The following ZMAT5 variants were observed in gnomAD, a reference collection of about 807,000 sequenced individuals.
The protein encoded by ZMAT5 is zinc finger matrin-type protein 5.
Under a neutral mutation model 28.0 loss-of-function variants are expected in ZMAT5, and 23 were observed. The observed-to-expected ratio is 0.82, with a 90% CI of 0.59 to 1.16. The LOEUF (loss-of-function observed/expected upper bound fraction) is 1.16, where lower values mean the gene tolerates loss of function less well. Ranked by LOEUF, ZMAT5 falls within the 50% of genes most tolerant of loss-of-function variation. The pLI is 0.00. For missense variants in ZMAT5, 173 were observed against 212.7 expected (o/e 0.81, Z 1.16); for synonymous variants, 76 against 84.1 (o/e 0.90, Z 0.52).
At chr22:29,762,769 T>C (rs1361783516) in intron 1 of ZMAT5, among the ~76,000 whole-genome samples, 2 of 152,208 alleles carry the variant, frequency 1.3e-5, no homozygotes, top group Admixed American at 6.5e-5. Context: ...ACTTGAATCA[T>C]CCTGAAACCA....
chr22:29,732,264 T>C (rs1034785789), intron 5 of ZMAT5, among the ~76,000 whole-genome samples: 1 of 152,252 alleles, frequency 6.6e-6, no homozygotes, highest in African/African-American at 2.4e-5. Flanking sequence ...CAGCTGCCTA[T>C]ACAAGACCTT....
At position 29,748,442 on chromosome 22, in the gene ZMAT5, T is replaced by C. The variant is rs764411495; in HGVS notation, c.103A>G (p.Lys35Glu). 1.9e-6 allele frequency: 3 copies of C among 1,614,202 alleles called. No homozygotes were observed. In the East Asian group the frequency reaches 6.7e-5, roughly 36 times the overall value. The change falls in exon 2 of 6, where the codon AAG becomes GAG. Residue 35 changes from lysine (K) to glutamate (E), a missense_variant. Coordinates refer to ENST00000344318, the MANE Select transcript of ZMAT5 (RefSeq NM_001003692.2). ...CCTCGGAACATGTCGTACCAGACCT[T>C]CTTGGCCTTGAGGTGCTGCAGCCCG... ...LNGLQHLKAK[K>E]VWYDMFRDAA...
In ZMAT5 at chr22:29,740,632, G is replaced by A. The variant is rs1345049506; in HGVS notation, c.271+18C>T. 6.3e-7 allele frequency: 1 copy of A among 1,585,314 alleles called. No individual in the cohort carries two copies. Among genetic ancestry groups the A allele is most frequent in the Non-Finnish European group, 8.6e-7 (1 of 1,165,542 alleles). ...CAGCACCCCACTCCCGCTTAGCCCA[G>A]GGCATCCCGAGACGTACCCTCCACC... is the stretch of plus-strand genomic sequence containing the variant. On this transcript the variant is annotated intron_variant, in intron 4 of 5. Transcript: ENST00000344318.
intron 5 of ZMAT5, among the ~76,000 whole-genome samples, chr22:29,736,653 G>A (rs1325407598): frequency 6.7e-6 from 1 of 148,936 alleles, no homozygotes; most frequent in African/African-American, 2.5e-5. Flanking sequence ...CCAGGAGGCG[G>A]AGGTTGCAGT....
In ZMAT5 at chr22:29,742,468, A is replaced by G; in HGVS notation, c.140T>C (p.Ile47Thr). 1.9e-6 allele frequency: 3 copies of G among 1,612,912 alleles called. No individual in the cohort carries two copies. The highest frequency in any genetic ancestry group is 2.5e-6 in the Non-Finnish European group (3 of 1,179,922). The change falls in exon 3 of 6, where the codon ATC becomes ACC. Residue 47 changes from isoleucine to threonine, a missense_variant. Physicochemically the swap from Ile to Thr is moderately conservative, Grantham distance 89. Coordinates refer to ENST00000344318, the MANE Select transcript of ZMAT5 (RefSeq NM_001003692.2). ...CCGCTTGTTCTGCTCATCCAGCAAG[A>G]TGGCAGCTGCATCTGCGAGAGAAGA... ...WYDMFRDAAA[I>T]LLDEQNKRPC... is the part of the protein sequence containing the mutation.
intron 1 of ZMAT5, among the ~76,000 whole-genome samples, chr22:29,757,216 CAAA>C (rs776485867): frequency 4.9e-5 from 2 of 40,836 alleles, no homozygotes; most frequent in African/African-American, 6.6e-5. Context: ...ACCCCAATCT[CAAA>C]AAAAAAAAAA....
At chr22:29,758,526 G>A (rs1048164733) in intron 1 of ZMAT5, among the ~76,000 whole-genome samples, 1 of 152,092 alleles carries the variant, frequency 6.6e-6, no homozygotes, top group African/African-American at 2.4e-5. Context: ...GGGGGGCTGA[G>A]GTGGGAGGAT....
chr22:29,738,375 C>T lies in ZMAT5; in HGVS notation c.338G>A (p.Trp113Ter), dbSNP rs2147218304. 1 of 1,609,906 alleles carries T rather than the reference C, an allele frequency of 6.2e-7. No homozygotes were observed. The highest frequency in any genetic ancestry group is 8.5e-7 in the Non-Finnish European group (1 of 1,179,630). ...CAGCCGCTTGGCTCTCTTCTCCAGC[C>T]AGTCCTCCAGATGGCCCTCGGGGAG... The part of the protein sequence containing the change: ...PELPEGHLED[W>*]LEKRAKRLSS... Residue 113 changes from tryptophan to a stop codon, truncating the protein, a stop_gained, in exon 5 of 6, where the codon TGG (tryptophan) becomes TAG (stop). Transcript: ENST00000344318. LOFTEE classifies it high-confidence loss of function.
chr22:29,743,518 C>A (rs2067982969), intron 2 of ZMAT5, among the ~76,000 whole-genome samples: 1 of 152,228 alleles, frequency 6.6e-6, no homozygotes, highest in Admixed American at 6.5e-5. Flanking sequence ...GCAGCCTCCA[C>A]CTTCTGCACT....
Position 29,744,615 on chromosome 22 carries a change from C to T in ZMAT5, c.128-2135G>A, listed in dbSNP as rs566847158. Among the ~76,000 whole-genome samples, 19 of 152,152 alleles carry T rather than the reference C, an allele frequency of 1.2e-4. 1 individual carries two copies. In the East Asian group the frequency reaches 2.5e-3, roughly 20 times the overall value. ...AGGCTGGGATGACTGAGGCAGGCGG[C>T]GGGACTGAGCCTGGGTCCTATACAA... On this transcript the variant is annotated intron_variant, in intron 2 of 5. Transcript: ENST00000344318.
chr22:29,755,368 GGA>G (rs11474564), intron 1 of ZMAT5, among the ~76,000 whole-genome samples: 18 of 59,296 alleles, frequency 3.0e-4, no homozygotes, highest in African/African-American at 1.2e-3. Flanking sequence ...GGAGGGAGGG[GGA>G]GAGAGAGAGA....
chr22:29,739,357 A>G (rs897776123), intron 4 of ZMAT5, among the ~76,000 whole-genome samples: 1 of 152,114 alleles, frequency 6.6e-6, no homozygotes, highest in African/African-American at 2.4e-5. Flanking sequence ...GCCAGGCCCC[A>G]GTCTCTGGAG....
intron 5 of ZMAT5, among the ~76,000 whole-genome samples, chr22:29,732,945 A>G (rs987367897): frequency 1.3e-5 from 2 of 152,192 alleles, no homozygotes; most frequent in African/African-American, 2.4e-5. Context: ...GAGGCCACCC[A>G]GTGATTGTGG....
chr22:29,752,201 G>A (rs1056489029), intron 1 of ZMAT5, among the ~76,000 whole-genome samples: 1 of 152,142 alleles, frequency 6.6e-6, no homozygotes, highest in Non-Finnish European at 1.5e-5. Context: ...TGCCAGGAAA[G>A]CCTGTCTTCA....
chr22:29,733,706 T>C (rs988052138), intron 5 of ZMAT5, among the ~76,000 whole-genome samples: 2 of 151,762 alleles, frequency 1.3e-5, no homozygotes, highest in Non-Finnish European at 2.9e-5. Flanking sequence ...CCAGGGAGGG[T>C]GTGATCCTGG....
chr22:29,748,331 C>T lies in ZMAT5; in HGVS notation c.127+87G>A, dbSNP rs766151820. ...GATCCTCAAAGAGCCCAGACCTAGA[C>T]TGTCACTGACCCACAGGAGTCTTTG... On this transcript the variant is annotated intron_variant, in intron 2 of 5. Transcript: ENST00000344318. The T allele has an allele frequency of 3.5e-5, 55 of 1,593,520 alleles. No individual in the cohort carries two copies. The East Asian group carries it at 1.1e-3, about 33-fold the overall frequency.
At chr22:29,765,489 C>G (rs2040623011) in intron 1 of ZMAT5, among the ~76,000 whole-genome samples, 1 of 152,116 alleles carries the variant, frequency 6.6e-6, no homozygotes, top group African/African-American at 2.4e-5. Context: ...GCACCCTACA[C>G]ACATCTGCTA....
rs546706342 is a variant in ZMAT5 at position 29,741,794 on chromosome 22, T to C, written c.190+624A>G. ...CCTCCCTAGTAGCTGGGACTACCAGTGTGTGCTACCATGCCCAGCTAATTA... is the reference window on the plus strand; with the variant it reads ...CCTCCCTAGTAGCTGGGACTACCAGCGTGTGCTACCATGCCCAGCTAATTA... On this transcript the variant is annotated intron_variant, in intron 3 of 5. Coordinates refer to ENST00000344318, the MANE Select transcript of ZMAT5 (RefSeq NM_001003692.2). Among the ~76,000 whole-genome samples, 99 of 152,184 alleles carry C rather than the reference T, an allele frequency of 6.5e-4. 1 individual carries two copies. Among genetic ancestry groups the C allele is most frequent in the Middle Eastern group, 3.4e-3 (1 of 294 alleles).
At chr22:29,734,271 T>G (rs2067882920) in intron 5 of ZMAT5, among the ~76,000 whole-genome samples, 1 of 152,130 alleles carries the variant, frequency 6.6e-6, no homozygotes, top group African/African-American at 2.4e-5. Context: ...GGCTGGGGCT[T>G]CATGGACCCC....
Sources: allele counts gnomAD v4.1 joint callset (sites outside exome capture counted in the v4.1 genomes callset), GRCh38; gene constraint gnomAD v4.1.1; transcripts MANE v1.5; gene names NCBI Gene and HGNC (gene_info 2026-07-23, HGNC 2026-07-21).